Variants in LRRK2 observed in about 807,000 individuals in gnomAD.
The protein encoded by LRRK2 is leucine rich repeat kinase 2, also known as leucine-rich repeat serine/threonine-protein kinase 2.
LRRK2 carries 203 observed loss-of-function variants against 302.6 expected under a neutral mutation model. That is an observed-to-expected ratio of 0.67 (90% CI 0.60 to 0.75). LRRK2 has a LOEUF of 0.75. Among genes scored for constraint, LRRK2 ranks in the 30% least tolerant of loss-of-function variants. LRRK2 has a pLI of 0.00. For missense variants in LRRK2, 2,830 were observed against 2,951.0 expected (o/e 0.96, Z 0.95); for synonymous variants, 1,066 against 1,031.9 (o/e 1.03, Z -0.63).
intron 23 of LRRK2, among the ~76,000 whole-genome samples, chr12:40,297,527 G>T (rs1357491801): frequency 2.0e-5 from 3 of 152,036 alleles, no homozygotes; most frequent in African/African-American, 7.2e-5. Context: ...CAACTTCTGG[G>T]GCTAAGAGTG....
chr12:40,267,547 G>A (rs79833858), intron 14 of LRRK2, among the ~76,000 whole-genome samples: 3,121 of 152,186 alleles, frequency 0.021, 112 homozygotes, highest in African/African-American at 0.069. Context: ...CTCAGCAGTC[G>A]GGAGCCAAGA....
At chr12:40,338,619 ACTT>A (rs1009843395) in intron 40 of LRRK2, among the ~76,000 whole-genome samples, 18 of 152,238 alleles carry the variant, frequency 1.2e-4, no homozygotes, top group African/African-American at 4.3e-4. Context: ...TTAGAACTGC[ACTT>A]CTTAAGATTA....
chr12:40,300,752 C>T, intron 25 of LRRK2: 1 of 470,414 alleles, frequency 2.1e-6, no homozygotes, highest in Non-Finnish European at 4.4e-6. Context: ...CACAGACAAA[C>T]ATTAAGTAAT....
At chr12:40,305,996 C>G in intron 28 of LRRK2, 30 bp downstream of exon 28, 3 of 1,537,324 alleles carry the variant, frequency 2.0e-6, no homozygotes, top group Non-Finnish European at 2.7e-6. Flanking sequence ...TTTGGTTTTA[C>G]TAAATTTATT....
At chr12:40,236,671 G>A (rs933823343) in intron 4 of LRRK2, among the ~76,000 whole-genome samples, 7 of 152,276 alleles carry the variant, frequency 4.6e-5, no homozygotes, top group South Asian at 4.1e-4. Context: ...GATTGGGAAG[G>A]TTTGAATTGT....
At chr12:40,274,021 G>A (rs1943344924) in intron 14 of LRRK2, among the ~76,000 whole-genome samples, 1 of 152,084 alleles carries the variant, frequency 6.6e-6, no homozygotes, top group Non-Finnish European at 1.5e-5. Flanking sequence ...ATGCATATTA[G>A]CTCTGTTACT....
Position 40,309,218 on chromosome 12 carries a change from G to T in LRRK2, c.4302G>T (p.Trp1434Cys), listed in dbSNP as rs781020785. Reference protein sequence around the residue: ...GQAEVDAMKPWLFNIKARASS... With the variant: ...GQAEVDAMKPCLFNIKARASS... ...CTGAAGTTGATGCCATGAAGCCTTG[G>T]CTCTTCAATATAAAGGTGATTTGTT... The change falls in exon 30 of 51, where the codon TGG (tryptophan) becomes TGT (cysteine). Residue 1434 changes from tryptophan (W) to cysteine (C), a missense_variant. Coordinates refer to ENST00000298910, the MANE Select transcript of LRRK2 (RefSeq NM_198578.4). The T allele has an allele frequency of 2.5e-6, 4 of 1,613,542 alleles. No homozygotes were observed. The highest frequency in any genetic ancestry group is 3.4e-6 in the Non-Finnish European group (4 of 1,179,810).
intron 16 of LRRK2, among the ~76,000 whole-genome samples, chr12:40,275,662 A>G (rs1943422140): frequency 6.7e-6 from 1 of 149,832 alleles, no homozygotes; most frequent in East Asian, 2.0e-4. Context: ...CCCAGGCTGG[A>G]GTGTAGTGGC....
intron 41 of LRRK2, 35 bp downstream of exon 41, chr12:40,340,489 C>G (rs1489220334): frequency 6.2e-7 from 1 of 1,609,630 alleles, no homozygotes. Flanking sequence ...ATTCTATCTT[C>G]AGGATGGATA....
chr12:40,258,083 T>C (rs921426362), intron 12 of LRRK2, among the ~76,000 whole-genome samples: 6 of 152,182 alleles, frequency 3.9e-5, no homozygotes, highest in African/African-American at 1.4e-4. Flanking sequence ...ACGTTCCTCA[T>C]TGATAAAGAG....
At chr12:40,286,161 T>C (rs570945025) in intron 19 of LRRK2, 4 of 152,174 alleles carry the variant, frequency 2.6e-5, no homozygotes, top group African/African-American at 7.2e-5. Flanking sequence ...CATAGAATTG[T>C]CATTTGATTA....
At chr12:40,253,969 C>A (rs911978132) in intron 11 of LRRK2, among the ~76,000 whole-genome samples, 1 of 152,106 alleles carries the variant, frequency 6.6e-6, no homozygotes, top group African/African-American at 2.4e-5. Context: ...AAAAATCGTT[C>A]TTTAATGTAA....
At position 40,308,601 on chromosome 12, in the gene LRRK2, A is replaced by G. The variant is rs201768941; in HGVS notation, c.4094A>G (p.Gln1365Arg). 22 of 1,613,968 alleles carry G rather than the reference A, an allele frequency of 1.4e-5. No individual in the cohort carries two copies. Among genetic ancestry groups the G allele is most frequent in the Non-Finnish European group, 1.9e-5 (22 of 1,179,980 alleles). Residue 1365 changes from glutamine (Q) to arginine (R), a missense_variant, in exon 29 of 51, where the codon CAA becomes CGA. Gln to Arg is a conservative substitution (Grantham distance 43). Around this residue, in one of 3 missense-constraint regions of LRRK2, gnomAD observed 2,121 missense variants for 2,148.0 expected, o/e 0.99. Transcript: ENST00000298910. ...MKTKKSDLGM[Q>R]SATVGIDVKD... Reference sequence around the variant, plus strand: ...ACCAAGAAATCAGATCTTGGAATGCAAAGTGCCACAGTTGGCATAGATGTG... The same window carrying G: ...ACCAAGAAATCAGATCTTGGAATGCGAAGTGCCACAGTTGGCATAGATGTG...
intron 25 of LRRK2, among the ~76,000 whole-genome samples, chr12:40,300,156 A>G (rs1047165608): frequency 2.6e-5 from 4 of 152,186 alleles, no homozygotes; most frequent in African/African-American, 9.7e-5. Context: ...AAATAAAATT[A>G]ATCATTTAAT....
intron 19 of LRRK2, among the ~76,000 whole-genome samples, chr12:40,285,818 A>G (rs1233779352): frequency 2.0e-5 from 3 of 152,050 alleles, no homozygotes; most frequent in Non-Finnish European, 4.4e-5. Context: ...GGCAAAAAAA[A>G]GGGCACAGAC....
chr12:40,277,880 A>G lies in LRRK2; in HGVS notation c.1942-8A>G. The G allele has an allele frequency of 6.3e-7, 1 of 1,595,134 alleles. No individual in the cohort carries two copies. Among genetic ancestry groups the G allele is most frequent in the South Asian group, 1.1e-5 (1 of 89,498 alleles). On this transcript the variant is annotated splice_polypyrimidine_tract_variant and splice_region_variant and intron_variant, in intron 16 of 50. Coordinates refer to ENST00000298910, the MANE Select transcript of LRRK2 (RefSeq NM_198578.4). ...CTTATTTTATTATTTTTTTTCTTAT[A>G]CTTTTAGGGATTTCAGACAATCTTA...
intron 21 of LRRK2, 122 bp from the exon 22 acceptor site, chr12:40,294,723 C>T (rs1343749265): frequency 2.8e-5 from 16 of 563,730 alleles, no homozygotes; most frequent in East Asian, 2.0e-4. Flanking sequence ...TTTTACTTGC[C>T]TATTTTTTCC....
intron 11 of LRRK2, among the ~76,000 whole-genome samples, chr12:40,256,471 G>A (rs1230863288): frequency 6.6e-6 from 1 of 151,974 alleles, no homozygotes; most frequent in Non-Finnish European, 1.5e-5. Flanking sequence ...CAAAAAAAGA[G>A]GAAAATTATT....
At chr12:40,327,251 G>T (rs74076819) in intron 38 of LRRK2, among the ~76,000 whole-genome samples, 1,716 of 152,278 alleles carry the variant, frequency 0.011, 39 homozygotes, top group African/African-American at 0.039. Context: ...CTCTTCAAGG[G>T]TATGGAGGCC....
Sources: allele counts gnomAD v4.1 joint callset (sites outside exome capture counted in the v4.1 genomes callset), GRCh38; gene constraint gnomAD v4.1.1; regional missense constraint gnomAD v4.1.1; transcripts MANE v1.5; gene names NCBI Gene and HGNC (gene_info 2026-07-23, HGNC 2026-07-21).